The following COL4A6 variants were observed in gnomAD, a reference collection of about 807,000 sequenced individuals.
COL4A6 encodes collagen type IV alpha 6 chain, also known as collagen alpha-6(IV) chain.
Under a neutral mutation model 126.7 loss-of-function variants are expected in COL4A6, and 59 were observed. That is an observed-to-expected ratio of 0.47 (90% CI 0.38 to 0.58). The LOEUF (loss-of-function observed/expected upper bound fraction) is 0.58. Among genes scored for constraint, COL4A6 ranks in the 20% least tolerant of loss-of-function variants. The pLI is 0.00. For missense variants in COL4A6, 1,285 were observed against 1,337.3 expected (o/e 0.96, Z 0.61); for synonymous variants, 547 against 496.6 (o/e 1.10, Z -1.35).
chrX:108,171,287 A>G, intron 33 of COL4A6, 100 bp downstream of exon 33: 1 of 683,669 alleles, frequency 1.5e-6, no homozygotes, highest in South Asian at 2.6e-5. Context: ...TCTGCACTGG[A>G]TAGAAGTTGC....
chrX:108,378,272 TTTTG>T (rs1403380185), intron 2 of COL4A6, among the ~76,000 whole-genome samples: 3 of 111,163 alleles, frequency 2.7e-5, no homozygotes, highest in African/African-American at 9.8e-5. Flanking sequence ...TTAGGGAGCT[TTTTG>T]TTTGTTTCTT....
Position 108,170,012 on chromosome X carries a change from G to T in COL4A6, c.3498C>A (p.Phe1166Leu). Residue 1166 changes from phenylalanine to leucine, a missense_variant, in exon 36 of 45, where the codon TTC becomes TTA. Phe to Leu is a conservative substitution (Grantham distance 22, BLOSUM62 0). Transcript: ENST00000334504. ...GTCCATGTAAACCAGGAAATCCAGG[G>T]AAGCCTGAGGGGAGAGAATGTCAAA... ...GSPGLIGPKG[F>L]PGFPGLHGLN... 1 of 1,183,748 alleles carries T rather than the reference G, an allele frequency of 8.4e-7. No individual in the cohort carries two copies. The highest frequency in any genetic ancestry group is 3.1e-5 in the East Asian group (1 of 32,500).
intron 2 of COL4A6, among the ~76,000 whole-genome samples, chrX:108,360,075 A>T (rs927028): frequency 0.37 from 41,061 of 110,622 alleles, 6,754 homozygotes; most frequent in East Asian, 0.73. Flanking sequence ...AGTACTACCA[A>T]CTAATCTTCT....
rs748466717 is a variant in COL4A6, at chrX:108,256,318, G to A, written c.145-34944C>T. 2.7e-4 allele frequency among the ~76,000 whole-genome samples: 30 copies of A among 111,761 alleles called. 1 individual carries two copies. The highest frequency in any genetic ancestry group is 9.4e-4 in the African/African-American group (29 of 30,824). On this transcript the variant is annotated intron_variant, in intron 3 of 44. Coordinates refer to ENST00000334504, the MANE Select transcript of COL4A6 (RefSeq NM_033641.4). ...TTTTGACTTGGATTTGGTGAATGATGGGCTTAAATGTTTCTTACTGGCTCT... is the reference window on the plus strand; with the variant it reads ...TTTTGACTTGGATTTGGTGAATGATAGGCTTAAATGTTTCTTACTGGCTCT...
intron 2 of COL4A6, among the ~76,000 whole-genome samples, chrX:108,397,808 C>G (rs866365536): frequency 5.0e-4 from 56 of 111,739 alleles, no homozygotes; most frequent in African/African-American, 1.7e-3. Flanking sequence ...TCAGTGCAAA[C>G]ACATCTTTCT....
At chrX:108,396,513 C>G (rs1444968252) in intron 2 of COL4A6, among the ~76,000 whole-genome samples, 1 of 111,647 alleles carries the variant, frequency 9.0e-6, no homozygotes, top group Non-Finnish European at 1.9e-5. Flanking sequence ...AGCACAAAGG[C>G]ATTTCTGTTA....
Position 108,180,984 on chromosome X carries a change from T to A in COL4A6, c.1952-16A>T. ...AGGGTGATTCCTGTAAATGGTAACA[T>A]GTGTGCATTCAGTGAACCCAGAGTT... is the stretch of plus-strand genomic sequence containing the variant. On this transcript the variant is annotated splice_polypyrimidine_tract_variant and intron_variant, in intron 23 of 44. Transcript: ENST00000334504. 1 of 1,185,270 alleles carries A rather than the reference T, an allele frequency of 8.4e-7. No individual in the cohort carries two copies. Among genetic ancestry groups the A allele is most frequent in the Admixed American group, 2.2e-5 (1 of 45,680 alleles).
At chrX:108,215,467 T>C (rs2035833016) in intron 5 of COL4A6, among the ~76,000 whole-genome samples, 1 of 75,884 alleles carries the variant, frequency 1.3e-5, no homozygotes, top group African/African-American at 4.9e-5. Flanking sequence ...ACTGGGATGG[T>C]TACTCTTGTT....
chrX:108,375,534 T>C (rs2040415154), intron 2 of COL4A6, among the ~76,000 whole-genome samples: 1 of 111,231 alleles, frequency 9.0e-6, no homozygotes, highest in African/African-American at 3.3e-5. Flanking sequence ...GAGGTGTCCT[T>C]ATCTATTCCA....
Position 108,358,751 on chromosome X carries a change from A to AT in COL4A6, c.64-47924dup, listed in dbSNP as rs57981676. Among the ~76,000 whole-genome samples the AT allele has an allele frequency of 7.7e-3, 862 of 111,812 alleles. 19 individuals carry two copies. The highest frequency in any genetic ancestry group is 0.059 in the East Asian group (211 of 3,554). ...ATTCTATTGGTTATGATATAACTGA[A>AT]TTTTTTTTAACTTCAGAAGACTGCA... is the stretch of plus-strand genomic sequence containing the variant. On this transcript the variant is annotated intron_variant, in intron 2 of 44. Coordinates refer to ENST00000334504, the MANE Select transcript of COL4A6 (RefSeq NM_033641.4).
chrX:108,311,415 C>G (rs1262649262), intron 2 of COL4A6, among the ~76,000 whole-genome samples: 1 of 110,339 alleles, frequency 9.1e-6, no homozygotes. Context: ...ATTTTTGCCT[C>G]TCCTCTGATT....
chrX:108,310,867 C>A (rs777416719), intron 2 of COL4A6, 39 bp from the exon 3 acceptor site: 1 of 1,080,236 alleles, frequency 9.3e-7, no homozygotes, highest in South Asian at 1.9e-5. Context: ...CCATGTGAAC[C>A]AAGAAGCAAT....
intron 2 of COL4A6, among the ~76,000 whole-genome samples, chrX:108,327,864 C>A (rs1227012104): frequency 1.8e-5 from 2 of 110,546 alleles, no homozygotes; most frequent in East Asian, 5.7e-4. Context: ...ACTCAGAAGT[C>A]ATTCTGAATA....
intron 3 of COL4A6, among the ~76,000 whole-genome samples, chrX:108,232,690 A>T (rs938217369): frequency 9.0e-6 from 1 of 111,717 alleles, no homozygotes; most frequent in African/African-American, 3.2e-5. Flanking sequence ...TTCTAGCTGT[A>T]TGATATTGAA....
intron 3 of COL4A6, among the ~76,000 whole-genome samples, chrX:108,263,517 T>C (rs2037220301): frequency 8.9e-6 from 1 of 111,944 alleles, no homozygotes; most frequent in Non-Finnish European, 1.9e-5. Flanking sequence ...TCTACCCCCA[T>C]ACTTCCAAAT....
At chrX:108,208,671 A>G (rs1163226806) in intron 8 of COL4A6, among the ~76,000 whole-genome samples, 1 of 111,956 alleles carries the variant, frequency 8.9e-6, no homozygotes, top group African/African-American at 3.2e-5. Flanking sequence ...GTGAAATCAC[A>G]AGAGAAAAAT....
At chrX:108,206,605 T>C in intron 8 of COL4A6, 25 bp from the exon 9 acceptor site, 1 of 1,188,330 alleles carries the variant, frequency 8.4e-7, no homozygotes, top group Non-Finnish European at 1.1e-6. Flanking sequence ...TTTTACCAAG[T>C]TCAAAAAGCA....
At chrX:108,251,085 C>T (rs2036840855) in intron 3 of COL4A6, among the ~76,000 whole-genome samples, 1 of 110,903 alleles carries the variant, frequency 9.0e-6, no homozygotes, top group Non-Finnish European at 1.9e-5. Context: ...TTCAAGGGGC[C>T]AAATGCACAG....
chrX:108,296,196 A>C (rs2090823327), intron 3 of COL4A6, among the ~76,000 whole-genome samples: 1 of 112,364 alleles, frequency 8.9e-6, no homozygotes, highest in South Asian at 3.7e-4. Flanking sequence ...CTGAAAATTA[A>C]GTTAATCCAG....
Sources: allele counts gnomAD v4.1 joint callset (sites outside exome capture counted in the v4.1 genomes callset), GRCh38; gene constraint gnomAD v4.1.1; transcripts MANE v1.5; gene names NCBI Gene and HGNC (gene_info 2026-07-23, HGNC 2026-07-21).